Variants in SGCZ observed in about 807,000 individuals in gnomAD.
SGCZ encodes the protein sarcoglycan zeta, also known as zeta-sarcoglycan.
Under a neutral mutation model 41.3 loss-of-function variants are expected in SGCZ, and 40 were observed. The ratio of observed to expected loss-of-function variants is 0.97; its 90% CI spans 0.75 to 1.26. SGCZ has a LOEUF of 1.26. SGCZ is among the 50% of genes most tolerant of loss of function. The pLI is 0.00. For synonymous variants in SGCZ, 206 were observed against 137.5 expected (o/e 1.50, Z -3.49); for missense variants, 552 against 369.8 (o/e 1.49, Z -4.04).
chr8:14,886,181 A>G (rs984131201), intron 1 of SGCZ, among the ~76,000 whole-genome samples: 39 of 151,530 alleles, frequency 2.6e-4, no homozygotes, highest in African/African-American at 9.4e-4. Context: ...ATGATTGTTT[A>G]TAACTTTTCA....
At chr8:14,791,895 A>C (rs1357132711) in intron 1 of SGCZ, among the ~76,000 whole-genome samples, 1 of 152,218 alleles carries the variant, frequency 6.6e-6, no homozygotes, top group Non-Finnish European at 1.5e-5. Flanking sequence ...TGGGTTACCT[A>C]AATCAATTCT....
chr8:14,834,687 C>T (rs1035474809), intron 1 of SGCZ, among the ~76,000 whole-genome samples: 2 of 152,180 alleles, frequency 1.3e-5, no homozygotes, highest in African/African-American at 4.8e-5. Context: ...GCTGGGCCAG[C>T]TTTGTCACAT....
chr8:15,165,132 A>G (rs888479145), intron 1 of SGCZ, among the ~76,000 whole-genome samples: 6 of 152,170 alleles, frequency 3.9e-5, no homozygotes, highest in African/African-American at 1.4e-4. Flanking sequence ...TCTAATAAAA[A>G]TACAAAAATT....
chr8:15,023,403 T>G (rs1402081200), intron 1 of SGCZ, among the ~76,000 whole-genome samples: 1 of 152,142 alleles, frequency 6.6e-6, no homozygotes, highest in Non-Finnish European at 1.5e-5. Context: ...GACAACAAGA[T>G]GCAAAGACTC....
intron 1 of SGCZ, among the ~76,000 whole-genome samples, chr8:14,891,206 T>TGACA (rs1805002730): frequency 6.6e-6 from 1 of 152,184 alleles, no homozygotes; most frequent in Non-Finnish European, 1.5e-5. Context: ...TTGTCACAGA[T>TGACA]AGTAATTCCT....
At chr8:15,040,771 C>T (rs1804066295) in intron 1 of SGCZ, among the ~76,000 whole-genome samples, 1 of 152,168 alleles carries the variant, frequency 6.6e-6, no homozygotes, top group Admixed American at 6.5e-5. Flanking sequence ...AAAGTCACGT[C>T]ACTAGGGTGA....
At chr8:14,480,000 A>G (rs7831696) in intron 2 of SGCZ, among the ~76,000 whole-genome samples, 1 of 152,082 alleles carries the variant, frequency 6.6e-6, no homozygotes. Flanking sequence ...CCGCCTCGGC[A>G]TCCCAAAGCA....
intron 1 of SGCZ, among the ~76,000 whole-genome samples, chr8:14,930,260 G>C (rs568990400): frequency 2.6e-5 from 4 of 152,160 alleles, no homozygotes; most frequent in Non-Finnish European, 4.4e-5. Flanking sequence ...ATTGTCTAGA[G>C]AAATGCAAAT....
intron 3 of SGCZ, among the ~76,000 whole-genome samples, chr8:14,310,679 G>C (rs935763545): frequency 6.6e-5 from 10 of 151,976 alleles, no homozygotes; most frequent in African/African-American, 2.2e-4. Context: ...ACAGTGAATT[G>C]TCTTTTAGGC....
intron 4 of SGCZ, among the ~76,000 whole-genome samples, chr8:14,167,534 T>C (rs967200955): frequency 2.0e-5 from 3 of 151,934 alleles, no homozygotes; most frequent in Admixed American, 2.0e-4. Flanking sequence ...AGAAAGTTTA[T>C]GTCAATAAAC....
chr8:14,720,623 G>A lies in SGCZ; in HGVS notation c.40-165697C>T, dbSNP rs546595199. On this transcript the variant is annotated intron_variant, in intron 1 of 7. Transcript: ENST00000382080. ...GCTCACAAGTAAAATCTGGCCCTCT[G>A]CCTGTTTCATAAGTAAGTTTTATCA... Among the ~76,000 whole-genome samples, 4 of 152,056 alleles carry A rather than the reference G, an allele frequency of 2.6e-5. No homozygotes were observed. The South Asian group carries it at 8.3e-4, about 32-fold the overall frequency.
At chr8:15,233,273 C>G (rs1802014484) in intron 1 of SGCZ, among the ~76,000 whole-genome samples, 1 of 149,848 alleles carries the variant, frequency 6.7e-6, no homozygotes, top group Non-Finnish European at 1.5e-5. Flanking sequence ...AGAAAGCTTC[C>G]TACACTGCAG....
chr8:14,525,328 T>A (rs1006034127), intron 2 of SGCZ, among the ~76,000 whole-genome samples: 1 of 152,176 alleles, frequency 6.6e-6, no homozygotes, highest in Admixed American at 6.6e-5. Context: ...CCTGTCATCC[T>A]GTGTTCCTGG....
intron 1 of SGCZ, among the ~76,000 whole-genome samples, chr8:15,013,892 C>G (rs769062627): frequency 7.9e-5 from 12 of 152,112 alleles, no homozygotes; most frequent in African/African-American, 2.9e-4. Flanking sequence ...CTACTGGGCT[C>G]GGGCAGCTAG....
chr8:14,374,248 G>A (rs1250932961), intron 2 of SGCZ, among the ~76,000 whole-genome samples: 2 of 152,106 alleles, frequency 1.3e-5, no homozygotes, highest in African/African-American at 2.4e-5. Flanking sequence ...GCGTGGTGGT[G>A]CCTGCCTGTA....
chr8:14,949,001 C>T (rs186699150), intron 1 of SGCZ, among the ~76,000 whole-genome samples: 15 of 152,058 alleles, frequency 9.9e-5, no homozygotes, highest in African/African-American at 3.6e-4. Flanking sequence ...TAAGTACAGG[C>T]ATATCCACAA....
intron 1 of SGCZ, among the ~76,000 whole-genome samples, chr8:14,972,719 A>G (rs538070500): frequency 2.2e-3 from 332 of 152,258 alleles, no homozygotes; most frequent in Non-Finnish European, 3.8e-3. Flanking sequence ...ACTTACCACC[A>G]TCTACCTTCA....
At chr8:14,831,859 T>C (rs1802545735) in intron 1 of SGCZ, among the ~76,000 whole-genome samples, 1 of 152,142 alleles carries the variant, frequency 6.6e-6, no homozygotes, top group Non-Finnish European at 1.5e-5. Flanking sequence ...TATATAAGTA[T>C]GTATATGTGT....
At chr8:15,156,986 G>GAAAGCA (rs1236147810) in intron 1 of SGCZ, among the ~76,000 whole-genome samples, 2 of 147,816 alleles carry the variant, frequency 1.4e-5, no homozygotes, top group Non-Finnish European at 3.0e-5. Context: ...AAAGAGAAAA[G>GAAAGCA]AAAGCAAGCA....
Sources: gnomAD v4.1 joint callset for allele counts (sites outside exome capture counted in the v4.1 genomes callset) on GRCh38, gnomAD v4.1.1 for gene constraint, MANE v1.5 for transcripts, NCBI Gene and HGNC (gene_info 2026-07-23, HGNC 2026-07-21) for gene names.